Variants in ZNF138 observed in about 807,000 individuals in gnomAD.
ZNF138 encodes zinc finger protein 138.
A neutral mutation model predicts 33.0 loss-of-function variants in ZNF138; 33 were observed. That is an observed-to-expected ratio of 1.00 (90% CI 0.76 to 1.34). The LOEUF (loss-of-function observed/expected upper bound fraction) is 1.34. ZNF138 is among the 40% of genes most tolerant of loss of function. ZNF138 has a pLI of 0.00. For synonymous variants in ZNF138, 139 were observed against 120.4 expected (o/e 1.15, Z -1.01); for missense variants, 360 against 370.8 (o/e 0.97, Z 0.24).
chr7:64,825,133 G>T (rs1217824009), intron 3 of ZNF138, among the ~76,000 whole-genome samples: 1 of 129,226 alleles, frequency 7.7e-6, no homozygotes, highest in Non-Finnish European at 1.6e-5. Flanking sequence ...TGAGTCTCTT[G>T]TAGGCCGCAT....
At chr7:64,827,077 CCAT>C (rs1330076495) in intron 3 of ZNF138, among the ~76,000 whole-genome samples, 2 of 149,968 alleles carry the variant, frequency 1.3e-5, no homozygotes, top group Non-Finnish European at 3.0e-5. Context: ...ATAATGGTGT[CCAT>C]CATTTTTCAG....
chr7:64,840,924 A>C, the ZNF138 span, among the ~76,000 whole-genome samples: 1 of 152,160 alleles, frequency 6.6e-6, no homozygotes, highest in Non-Finnish European at 1.5e-5. Context: ...ATTGTAACAA[A>C]ACAAATATTT....
intron 1 of ZNF138, among the ~76,000 whole-genome samples, chr7:64,810,382 G>A (rs1367769643): frequency 2.5e-5 from 3 of 120,056 alleles, no homozygotes; most frequent in African/African-American, 6.4e-5. Flanking sequence ...GTTGCAGTGA[G>A]CCGAGATGGC....
At chr7:64,819,660 C>T (rs1268489066) in intron 3 of ZNF138, among the ~76,000 whole-genome samples, 5 of 152,114 alleles carry the variant, frequency 3.3e-5, no homozygotes, top group Non-Finnish European at 7.3e-5. Flanking sequence ...GCAGCCACCA[C>T]ATCCGGCCTG....
the ZNF138 span, among the ~76,000 whole-genome samples, chr7:64,847,332 A>ATATTT: frequency 1.0e-3 from 128 of 128,122 alleles, no homozygotes; most frequent in African/African-American, 2.0e-3. Flanking sequence ...ATATATATAT[A>ATATTT]TTTTTTTTTT....
In ZNF138 at chr7:64,833,586, G is replaced by A. The variant is rs1490921142; in HGVS notation, c.*1384G>A. ...AAAATGTTGTACTGATATAAAGAAT[G>A]TAGAAAAGCCATTAATATGTGCTTA... is the stretch of plus-strand genomic sequence containing the variant. On this transcript the variant is annotated 3_prime_UTR_variant, in exon 4 of 4. Transcript: ENST00000307355. The A allele has an allele frequency of 1.3e-5, 2 of 153,296 alleles. No individual in the cohort carries two copies. The highest frequency in any genetic ancestry group is 2.9e-5 in the Non-Finnish European group (2 of 68,838). The allele number at this position is 153,296 out of a possible 1,614,324, so 9.5% of individuals were successfully genotyped here.
chr7:64,813,680 T>C (rs1788370349), intron 1 of ZNF138, among the ~76,000 whole-genome samples: 1 of 151,908 alleles, frequency 6.6e-6, no homozygotes, highest in Admixed American at 6.6e-5. Flanking sequence ...GTGATCCGCC[T>C]GCCTCGGCCT....
At chr7:64,795,292 G>A (rs73699392) in intron 1 of ZNF138, among the ~76,000 whole-genome samples, 6,056 of 152,122 alleles carry the variant, frequency 0.04, 392 homozygotes, top group African/African-American at 0.14. Context: ...GGACTGGAGC[G>A]ACCTCAGTCT....
At chr7:64,809,023 T>C (rs1264710465) in intron 1 of ZNF138, among the ~76,000 whole-genome samples, 6 of 130,174 alleles carry the variant, frequency 4.6e-5, no homozygotes, top group African/African-American at 1.6e-4. Context: ...TTTCTCAATC[T>C]TTTCCCCACC....
At position 64,833,056 on chromosome 7, in the gene ZNF138, A is replaced by G. The variant is rs754820132; in HGVS notation, c.*854A>G. On this transcript the variant is annotated 3_prime_UTR_variant, in exon 4 of 4. Coordinates refer to ENST00000307355, the MANE Select transcript of ZNF138 (RefSeq NM_001271639.2). ...AACCAAGTCTCAACACTTACTATAC[A>G]TAAGATAATTTATACTGGAGCAAAA... The G allele has an allele frequency of 4.0e-5, 14 of 352,758 alleles. No homozygotes were observed. Among genetic ancestry groups the G allele is most frequent in the Non-Finnish European group, 8.0e-5 (14 of 174,240 alleles). The allele number at this position is 352,758 out of a possible 1,614,324, so 21.9% of individuals were successfully genotyped here. A position where few individuals can be genotyped will look rare whatever the true frequency, so the allele number is the denominator to read the frequency against.
intron 3 of ZNF138, among the ~76,000 whole-genome samples, chr7:64,816,545 G>T (rs905667739): frequency 6.6e-5 from 10 of 151,512 alleles, no homozygotes; most frequent in Non-Finnish European, 1.5e-4. Flanking sequence ...TTTATATTTC[G>T]GTAATTTACT....
At chr7:64,813,052 C>T (rs1352623032) in intron 1 of ZNF138, among the ~76,000 whole-genome samples, 2 of 151,972 alleles carry the variant, frequency 1.3e-5, no homozygotes, top group African/African-American at 2.4e-5. Context: ...TTCCTGCATA[C>T]CAGAGCCTTC....
chr7:64,848,456 C>T, the ZNF138 span, among the ~76,000 whole-genome samples: 1 of 151,780 alleles, frequency 6.6e-6, no homozygotes, highest in Non-Finnish European at 1.5e-5. Context: ...CTTTCCAGAA[C>T]ATTTTGCATT....
intron 1 of ZNF138, among the ~76,000 whole-genome samples, chr7:64,801,308 A>C (rs1403004561): frequency 6.6e-6 from 1 of 152,062 alleles, no homozygotes; most frequent in Non-Finnish European, 1.5e-5. Flanking sequence ...TAGTGCTATA[A>C]ATTTTTCTGT....
chr7:64,802,688 G>A (rs910038634), intron 1 of ZNF138, among the ~76,000 whole-genome samples: 2 of 152,184 alleles, frequency 1.3e-5, no homozygotes, highest in Admixed American at 6.5e-5. Context: ...AAAATTCAGA[G>A]CTTAGTCCTC....
chr7:64,826,276 T>G lies in ZNF138; in HGVS notation c.209-5175T>G, dbSNP rs923768580. 3.3e-5 allele frequency among the ~76,000 whole-genome samples: 5 copies of G among 152,302 alleles called. No homozygotes were observed. The South Asian group carries it at 1.0e-3, about 32-fold the overall frequency. On this transcript the variant is annotated intron_variant, in intron 3 of 3. Transcript: ENST00000307355. ...TTGTGTAGTGACGTGCTTTGATTAT[T>G]TATTTGTTTATTTATTTATTGAGAC... is the stretch of plus-strand genomic sequence containing the variant.
downstream of ZNF138, among the ~76,000 whole-genome samples, chr7:64,834,757 T>C (rs886358728): frequency 1.3e-5 from 2 of 152,198 alleles, no homozygotes; most frequent in African/African-American, 4.8e-5. Context: ...GTGTTTAATT[T>C]ATAATATTGA....
At chr7:64,797,028 C>T (rs992485129) in intron 1 of ZNF138, among the ~76,000 whole-genome samples, 4 of 151,478 alleles carry the variant, frequency 2.6e-5, no homozygotes, top group East Asian at 1.9e-4. Context: ...CCACCTTGGG[C>T]GACAGAGCGA....
At chr7:64,836,359 G>T (rs963787354), downstream of ZNF138, 1 of 152,276 alleles carries the variant, frequency 6.6e-6, no homozygotes, top group Non-Finnish European at 1.5e-5. Context: ...CCACGAGAAG[G>T]GGGAGGACTT....
Sources: gnomAD v4.1 joint callset for allele counts (sites outside exome capture counted in the v4.1 genomes callset) on GRCh38, gnomAD v4.1.1 for gene constraint, MANE v1.5 for transcripts, NCBI Gene and HGNC (gene_info 2026-07-23, HGNC 2026-07-21) for gene names.